CSMD1: variants seen among roughly 807,000 people sequenced by gnomAD.
CSMD1 encodes the protein CUB and sushi domain-containing protein 1.
Under a neutral mutation model 417.5 loss-of-function variants are expected in CSMD1, and 213 were observed. That is an observed-to-expected ratio of 0.51 (90% CI 0.46 to 0.57). The LOEUF is 0.57. CSMD1 is among the 20% of genes least tolerant of loss of function. CSMD1 has a pLI of 0.00. For synonymous variants in CSMD1, 2,862 were observed against 1,736.8 expected (o/e 1.65, Z -16.11); for missense variants, 6,923 against 4,529.7 (o/e 1.53, Z -15.17).
intron 7 of CSMD1, among the ~76,000 whole-genome samples, chr8:3,699,540 T>G (rs947769044): frequency 6.6e-6 from 1 of 152,220 alleles, no homozygotes; most frequent in African/African-American, 2.4e-5. Flanking sequence ...CATCCTCTAT[T>G]TCTATGGATT....
intron 12 of CSMD1, among the ~76,000 whole-genome samples, chr8:3,465,307 C>T (rs1464923893): frequency 2.0e-5 from 3 of 152,154 alleles, no homozygotes; most frequent in Non-Finnish European, 2.9e-5. Context: ...TGAGTAGACC[C>T]TCCAGGCATC....
intron 4 of CSMD1, among the ~76,000 whole-genome samples, chr8:4,016,672 C>A (rs189460952): frequency 6.6e-6 from 1 of 152,304 alleles, no homozygotes; most frequent in South Asian, 2.1e-4. Context: ...CTCTGTAAAG[C>A]AAGAGCTTCA....
intron 3 of CSMD1, among the ~76,000 whole-genome samples, chr8:4,411,208 C>A (rs890083275): frequency 6.6e-6 from 1 of 152,142 alleles, no homozygotes; most frequent in Non-Finnish European, 1.5e-5. Flanking sequence ...ACTAGGAAAC[C>A]CATCAAGTAC....
intron 1 of CSMD1, among the ~76,000 whole-genome samples, chr8:4,795,393 T>C (rs974032297): frequency 2.7e-5 from 4 of 149,264 alleles, no homozygotes; most frequent in African/African-American, 9.9e-5. Flanking sequence ...TGCCTCAGCC[T>C]TCCGAGTAGC....
chr8:3,329,030 T>C (rs1342813494), intron 23 of CSMD1, among the ~76,000 whole-genome samples: 1 of 152,088 alleles, frequency 6.6e-6, no homozygotes, highest in African/African-American at 2.4e-5. Context: ...TGAAAAAATT[T>C]ACCTAAATAT....
intron 1 of CSMD1, among the ~76,000 whole-genome samples, chr8:4,905,879 TA>T (rs1805235192): frequency 1.2e-5 from 1 of 84,346 alleles, no homozygotes; most frequent in African/African-American, 4.0e-5. Context: ...TCCTTAAAAT[TA>T]TTATTCTCAC....
chr8:3,609,621 A>G (rs1233562524), intron 8 of CSMD1, among the ~76,000 whole-genome samples: 1 of 152,048 alleles, frequency 6.6e-6, no homozygotes, highest in Non-Finnish European at 1.5e-5. Flanking sequence ...TTAACAAAAC[A>G]GCCCCAAGTT....
chr8:4,573,498 T>G (rs948544313), intron 2 of CSMD1, among the ~76,000 whole-genome samples: 1 of 152,172 alleles, frequency 6.6e-6, no homozygotes, highest in Non-Finnish European at 1.5e-5. Flanking sequence ...CTGGAAGCTT[T>G]GTCCCAGAAG....
At chr8:4,848,118 C>T (rs1178554740) in intron 1 of CSMD1, among the ~76,000 whole-genome samples, 1 of 152,104 alleles carries the variant, frequency 6.6e-6, no homozygotes, top group East Asian at 1.9e-4. Context: ...TGGATATTGT[C>T]AAGGTTCATC....
At chr8:3,977,063 C>T (rs1174412892) in intron 5 of CSMD1, among the ~76,000 whole-genome samples, 1 of 152,132 alleles carries the variant, frequency 6.6e-6, no homozygotes, top group African/African-American at 2.4e-5. Context: ...TCTTGAATTT[C>T]TTTTTCCATT....
At chr8:4,924,722 CAAAAA>C (rs60827201) in intron 1 of CSMD1, among the ~76,000 whole-genome samples, 2 of 62,546 alleles carry the variant, frequency 3.2e-5, no homozygotes, top group African/African-American at 1.3e-4. Flanking sequence ...AACTCCATCT[CAAAAA>C]AAAAAAAAAA....
At chr8:4,095,523 G>A (rs899253937) in intron 3 of CSMD1, among the ~76,000 whole-genome samples, 18 of 152,152 alleles carry the variant, frequency 1.2e-4, no homozygotes, top group Admixed American at 1.2e-3. Flanking sequence ...GTCCCCACTA[G>A]TATCAATGTA....
At chr8:4,198,257 C>G (rs1799451610) in intron 3 of CSMD1, among the ~76,000 whole-genome samples, 1 of 152,190 alleles carries the variant, frequency 6.6e-6, no homozygotes, top group Non-Finnish European at 1.5e-5. Flanking sequence ...ATCCTCAACT[C>G]ATTATTACAG....
At chr8:3,091,068 A>G (rs1489182061) in intron 48 of CSMD1, among the ~76,000 whole-genome samples, 1 of 152,096 alleles carries the variant, frequency 6.6e-6, no homozygotes, top group Admixed American at 6.6e-5. Context: ...ATATATATAT[A>G]CACATATATG....
At chr8:4,829,650 G>A (rs986044992) in intron 1 of CSMD1, among the ~76,000 whole-genome samples, 2 of 151,804 alleles carry the variant, frequency 1.3e-5, no homozygotes, top group African/African-American at 4.8e-5. Context: ...TGAGGAGGGG[G>A]GATCGCTTAA....
intron 2 of CSMD1, among the ~76,000 whole-genome samples, chr8:4,464,349 T>C (rs1411806639): frequency 2.0e-5 from 3 of 152,144 alleles, no homozygotes; most frequent in South Asian, 2.1e-4. Context: ...AATAAAAACA[T>C]TGTAAGCTGA....
intron 18 of CSMD1, among the ~76,000 whole-genome samples, chr8:3,381,819 C>T (rs542639609): frequency 4.3e-4 from 66 of 152,210 alleles, no homozygotes; most frequent in Admixed American, 2.0e-3. Flanking sequence ...TCTGAAGAGG[C>T]GAGCATGAGA....
intron 3 of CSMD1, among the ~76,000 whole-genome samples, chr8:4,399,585 C>T (rs1352612865): frequency 1.3e-5 from 2 of 151,992 alleles, no homozygotes; most frequent in Non-Finnish European, 2.9e-5. Flanking sequence ...TTTATACCAC[C>T]CCTGGATCTT....
chr8:4,756,340 A>G (rs117435102), intron 1 of CSMD1, among the ~76,000 whole-genome samples: 1,882 of 152,276 alleles, frequency 0.012, 13 homozygotes, highest in Non-Finnish European at 0.019. Flanking sequence ...TAACTCATCA[A>G]TTCAGGCATA....
Sources: allele counts gnomAD v4.1 joint callset (sites outside exome capture counted in the v4.1 genomes callset), GRCh38; gene constraint gnomAD v4.1.1; transcripts MANE v1.5; gene names NCBI Gene and HGNC (gene_info 2026-07-23, HGNC 2026-07-21).